Variants in CCDC91 observed in about 807,000 individuals in gnomAD.
CCDC91 encodes the protein coiled-coil domain containing 91, also known as coiled-coil domain-containing protein 91.
In CCDC91, 48 loss-of-function variants were observed where a neutral mutation model predicts 63.2. The ratio of observed to expected loss-of-function variants is 0.76; its 90% CI spans 0.60 to 0.97. CCDC91 has a LOEUF of 0.97. Ranked by LOEUF, CCDC91 falls within the 50% of genes least tolerant of loss-of-function variation. CCDC91 has a pLI of 0.00. For synonymous variants in CCDC91, 167 were observed against 165.8 expected, an observed-to-expected ratio of 1.01 and a Z score of -0.06; for missense variants, 500 against 494.6, an observed-to-expected ratio of 1.01 and a Z score of -0.10.
chr12:28,424,944 T>C (rs941498978), intron 8 of CCDC91, among the ~76,000 whole-genome samples: 10 of 152,164 alleles, frequency 6.6e-5, no homozygotes, highest in Non-Finnish European at 1.5e-4. Flanking sequence ...ATATATGATG[T>C]GAGGCAAAGA....
intron 11 of CCDC91, among the ~76,000 whole-genome samples, chr12:28,476,511 A>G (rs1420328716): frequency 6.6e-6 from 1 of 152,190 alleles, no homozygotes; most frequent in Non-Finnish European, 1.5e-5. Context: ...CCCACAAGAG[A>G]AAGCAGGGAA....
chr12:28,424,992 G>A (rs1359905112), intron 8 of CCDC91, among the ~76,000 whole-genome samples: 1 of 152,002 alleles, frequency 6.6e-6, no homozygotes, highest in Non-Finnish European at 1.5e-5. Flanking sequence ...AAAGTGAGCC[G>A]CTTTTTCTAG....
chr12:28,498,796 G>T (rs1253223115), intron 12 of CCDC91, among the ~76,000 whole-genome samples: 1 of 151,552 alleles, frequency 6.6e-6, no homozygotes, highest in Non-Finnish European at 1.5e-5. Context: ...CCTAATATAT[G>T]CTAGGTAGCA....
chr12:28,549,978 T>C lies in CCDC91; in HGVS notation c.*805T>C, dbSNP rs1408694415. 3 of 152,566 alleles carry C rather than the reference T, an allele frequency of 2.0e-5. No homozygotes were observed. Among genetic ancestry groups the C allele is most frequent in the Admixed American group, 2.0e-4 (3 of 15,268 alleles). The allele number at this position is 152,566 out of a possible 1,614,324, so 9.5% of individuals were successfully genotyped here. On this transcript the variant is annotated 3_prime_UTR_variant, in exon 13 of 13. Transcript: ENST00000536442. The stretch of plus-strand genomic sequence containing the variant: ...ATATATGAAATCTTTTCCCAGTATT[T>C]CAGAATGTACTTAATTCACAGGCAG...
intron 8 of CCDC91, among the ~76,000 whole-genome samples, chr12:28,434,451 AG>A (rs1948790134): frequency 1.3e-5 from 2 of 151,548 alleles, no homozygotes; most frequent in South Asian, 4.1e-4. Flanking sequence ...TTGCATACCT[AG>A]GAGAAAAACC....
chr12:28,374,787 G>T (rs1944842380), intron 7 of CCDC91, among the ~76,000 whole-genome samples: 1 of 152,010 alleles, frequency 6.6e-6, no homozygotes, highest in Admixed American at 6.6e-5. Flanking sequence ...TACTTATTTT[G>T]AGTATGTAAC....
intron 11 of CCDC91, among the ~76,000 whole-genome samples, chr12:28,473,534 A>G (rs555358325): frequency 1.3e-5 from 2 of 152,268 alleles, no homozygotes; most frequent in Admixed American, 1.3e-4. Context: ...TTGTTAACAC[A>G]TCTTAGCAGA....
chr12:28,466,871 A>C (rs562692961), intron 11 of CCDC91, among the ~76,000 whole-genome samples: 3 of 152,280 alleles, frequency 2.0e-5, no homozygotes, highest in African/African-American at 7.2e-5. Context: ...GAGAAAGAAT[A>C]AACAATGAAC....
At chr12:28,464,551 G>A (rs1047350902) in intron 11 of CCDC91, among the ~76,000 whole-genome samples, 2 of 152,180 alleles carry the variant, frequency 1.3e-5, no homozygotes. Flanking sequence ...CTCCTTTCCA[G>A]GCCCTAGCTC....
In CCDC91 at chr12:28,307,743, A is replaced by C. The variant is rs767194985; in HGVS notation, c.570A>C (p.Glu190Asp). The change falls in exon 6 of 13, where the codon GAA becomes GAC. Residue 190 changes from glutamate (E) to aspartate (D), a missense_variant. Transcript: ENST00000536442. ...EAISFQDRYK[E>D]LQEKHKQELE... ...TTTCTTTTCAAGATAGATACAAAGA[A>C]CTTCAGGTAAGGCGATTGAACTTAA... 1 of 1,533,848 alleles carries C rather than the reference A, an allele frequency of 6.5e-7. No individual in the cohort carries two copies. The highest frequency in any genetic ancestry group is 1.4e-5 in the African/African-American group (1 of 72,458).
chr12:28,271,101 C>T (rs1356459899), intron 3 of CCDC91, among the ~76,000 whole-genome samples: 1 of 152,026 alleles, frequency 6.6e-6, no homozygotes, highest in Non-Finnish European at 1.5e-5. Context: ...CGCATTATAG[C>T]TAGGAAGAAT....
chr12:28,290,831 A>T (rs1949202764), intron 3 of CCDC91, among the ~76,000 whole-genome samples: 1 of 151,904 alleles, frequency 6.6e-6, no homozygotes. Context: ...CATGTTTTTT[A>T]AAAGTATGCT....
intron 11 of CCDC91, among the ~76,000 whole-genome samples, chr12:28,454,844 T>G (rs772845376): frequency 1.1e-4 from 17 of 152,010 alleles, no homozygotes; most frequent in Non-Finnish European, 2.2e-4. Flanking sequence ...TCCTACCAGT[T>G]TCAGTATAGC....
chr12:28,341,069 A>G lies in CCDC91; in HGVS notation c.577-21369A>G, dbSNP rs140360989. On this transcript the variant is annotated intron_variant, in intron 6 of 12. Transcript: ENST00000536442. ...GTCCACCCCAATCAAACCCTGTGTC[A>G]TTCTGCCAGTCGATGGTCTGCTGCC... Among the ~76,000 whole-genome samples, 1,114 of 152,248 alleles carry G rather than the reference A, an allele frequency of 7.3e-3. 15 individuals are homozygous for G. The highest frequency in any genetic ancestry group is 8.5e-3 in the Non-Finnish European group (576 of 68,014).
chr12:28,450,632 T>C (rs1949757860), intron 10 of CCDC91, among the ~76,000 whole-genome samples: 2 of 151,826 alleles, frequency 1.3e-5, no homozygotes, highest in Non-Finnish European at 3.0e-5. Context: ...CTTTACAATG[T>C]AGGTTATTAG....
At chr12:28,485,830 C>T (rs1036762393) in intron 12 of CCDC91, among the ~76,000 whole-genome samples, 3 of 152,022 alleles carry the variant, frequency 2.0e-5, no homozygotes, top group African/African-American at 7.2e-5. Context: ...TAATCTTGTT[C>T]AAAAGTAATC....
intron 6 of CCDC91, among the ~76,000 whole-genome samples, chr12:28,321,341 C>T (rs570292662): frequency 2.0e-5 from 3 of 151,852 alleles, no homozygotes; most frequent in East Asian, 1.9e-4. Context: ...ATGTAAGTTC[C>T]TAGTGGGATA....
At chr12:28,227,333 A>T (rs1024817885) in intron 1 of CCDC91, among the ~76,000 whole-genome samples, 3 of 152,104 alleles carry the variant, frequency 2.0e-5, no homozygotes, top group Non-Finnish European at 2.9e-5. Context: ...TTCTGCATGG[A>T]TGATGACCAT....
intron 12 of CCDC91, among the ~76,000 whole-genome samples, chr12:28,486,098 C>G (rs960759801): frequency 1.3e-5 from 2 of 152,120 alleles, no homozygotes; most frequent in African/African-American, 4.8e-5. Flanking sequence ...ATTCATCTTG[C>G]TTGACCGAAA....
Sources: gnomAD v4.1 joint callset for allele counts (sites outside exome capture counted in the v4.1 genomes callset) on GRCh38, gnomAD v4.1.1 for gene constraint, MANE v1.5 for transcripts, NCBI Gene and HGNC (gene_info 2026-07-23, HGNC 2026-07-21) for gene names.